The following ELP4 variants were observed in gnomAD, a reference collection of about 807,000 sequenced individuals.
The protein encoded by ELP4 is elongator acetyltransferase complex subunit 4.
Under a neutral mutation model 48.9 loss-of-function variants are expected in ELP4, and 51 were observed. The ratio of observed to expected loss-of-function variants is 1.04; its 90% CI spans 0.83 to 1.32. The LOEUF (loss-of-function observed/expected upper bound fraction) is 1.32. ELP4 is among the 40% of genes most tolerant of loss of function. The probability of loss-of-function intolerance (pLI) is 0.00; values close to 1 mark genes in which losing one functional copy is unlikely to be tolerated. For synonymous variants in ELP4, 210 were observed against 189.2 expected, an observed-to-expected ratio of 1.11 and a Z score of -0.90; for missense variants, 519 against 514.6, an observed-to-expected ratio of 1.01 and a Z score of -0.08.
At position 31,785,690 on chromosome 11, in the gene ELP4, C is replaced by G. The variant is rs954144250; in HGVS notation, c.*2166C>G. The G allele has an allele frequency of 5.2e-6, 1 of 193,200 alleles. No homozygotes were observed. The highest frequency in any genetic ancestry group is 2.3e-5 in the African/African-American group (1 of 43,104). The allele number at this position is 193,200 out of a possible 1,614,324, so 12.0% of individuals were successfully genotyped here. ...GAGGGGTGTGTATTTTTGTCTTCCT[C>G]TGATAAAAACGCACTCTGAAAATGT... On this transcript the variant is annotated 3_prime_UTR_variant, in exon 10 of 10. Transcript: ENST00000640961.
intron 9 of ELP4, among the ~76,000 whole-genome samples, chr11:31,673,611 G>C (rs183290486): frequency 6.6e-6 from 1 of 152,252 alleles, no homozygotes; most frequent in Non-Finnish European, 1.5e-5. Context: ...TTACAGGCAT[G>C]AGCCACTGCA....
chr11:31,758,627 A>G (rs1947879911), intron 9 of ELP4, among the ~76,000 whole-genome samples: 1 of 152,120 alleles, frequency 6.6e-6, no homozygotes, highest in South Asian at 2.1e-4. Flanking sequence ...TTTTATATGA[A>G]ATAAATTCTG....
intron 9 of ELP4, among the ~76,000 whole-genome samples, chr11:31,693,598 T>C (rs1456178592): frequency 6.6e-6 from 1 of 152,194 alleles, no homozygotes; most frequent in Non-Finnish European, 1.5e-5. Flanking sequence ...TCTTTCCTAT[T>C]GTGAATAGTG....
chr11:31,757,333 G>C (rs529387004), intron 9 of ELP4, among the ~76,000 whole-genome samples: 5 of 152,084 alleles, frequency 3.3e-5, no homozygotes, highest in Admixed American at 1.3e-4. Flanking sequence ...AAAGATCCCA[G>C]TTACATTTTT....
rs533264094 is a variant in ELP4 at position 31,670,026 on chromosome 11, C to T, written c.1143+19805C>T. 1.9e-4 allele frequency among the ~76,000 whole-genome samples: 29 copies of T among 152,176 alleles called. 1 individual carries two copies. The highest frequency in any genetic ancestry group is 3.2e-4 in the Non-Finnish European group (22 of 68,030). The stretch of plus-strand genomic sequence containing the variant: ...TCCTTCTTCACACAACTCATCCTTC[C>T]CTGCCAATATACTGACTTCCTTCTA... On this transcript the variant is annotated intron_variant, in intron 9 of 9. Transcript: ENST00000640961.
At chr11:31,536,872 C>A (rs1014775598) in intron 2 of ELP4, among the ~76,000 whole-genome samples, 3 of 152,154 alleles carry the variant, frequency 2.0e-5, no homozygotes, top group Admixed American at 2.0e-4. Flanking sequence ...AAAATATATT[C>A]TGGATACCAG....
chr11:31,694,795 T>TG (rs1205027203), intron 9 of ELP4, among the ~76,000 whole-genome samples: 11 of 152,242 alleles, frequency 7.2e-5, no homozygotes, highest in Non-Finnish European at 1.6e-4. Flanking sequence ...TCCATGAGCA[T>TG]GGAATATTCT....
At chr11:31,585,813 C>G (rs956908730) in intron 3 of ELP4, among the ~76,000 whole-genome samples, 1 of 152,104 alleles carries the variant, frequency 6.6e-6, no homozygotes, top group African/African-American at 2.4e-5. Flanking sequence ...AGTGAGAAGA[C>G]CAGGCATGAT....
At chr11:31,549,526 T>G (rs1702326063) in intron 3 of ELP4, among the ~76,000 whole-genome samples, 2 of 151,728 alleles carry the variant, frequency 1.3e-5, no homozygotes, top group South Asian at 4.2e-4. Flanking sequence ...GGAACACTTT[T>G]ACACTGTTGG....
chr11:31,551,903 T>C (rs1956860222), intron 3 of ELP4, among the ~76,000 whole-genome samples: 1 of 152,168 alleles, frequency 6.6e-6, no homozygotes, highest in Admixed American at 6.5e-5. Flanking sequence ...AAGTAAGAGA[T>C]AGGAGACTAG....
intron 6 of ELP4, among the ~76,000 whole-genome samples, chr11:31,631,690 C>T (rs10767901): frequency 0.93 from 141,527 of 152,118 alleles, 66,430 homozygotes; most frequent in South Asian, 1. Context: ...TAAATTATTA[C>T]TTTAAGAGCA....
intron 9 of ELP4, among the ~76,000 whole-genome samples, chr11:31,735,988 A>T (rs557099429): frequency 1.3e-5 from 2 of 152,296 alleles, no homozygotes; most frequent in African/African-American, 2.4e-5. Flanking sequence ...TAAAGTTCAT[A>T]TGGAACCAAA....
At chr11:31,707,152 T>G (rs1022662078) in intron 9 of ELP4, 3 of 394,254 alleles carry the variant, frequency 7.6e-6, no homozygotes, top group Non-Finnish European at 1.3e-5. Context: ...TTGAGAACCC[T>G]TCATACTATT....
intron 3 of ELP4, among the ~76,000 whole-genome samples, chr11:31,568,724 C>T (rs567311241): frequency 3.9e-5 from 6 of 152,234 alleles, no homozygotes; most frequent in East Asian, 1.9e-4. Flanking sequence ...TGGCTATCCA[C>T]GTGAAGAGGA....
intron 9 of ELP4, among the ~76,000 whole-genome samples, chr11:31,725,890 T>C (rs1297742235): frequency 2.6e-5 from 4 of 152,204 alleles, no homozygotes; most frequent in African/African-American, 9.6e-5. Context: ...TATATTTATA[T>C]GCTGATAGAA....
chr11:31,641,257 T>C (rs952672778), intron 7 of ELP4, among the ~76,000 whole-genome samples: 1 of 151,872 alleles, frequency 6.6e-6, no homozygotes, highest in African/African-American at 2.4e-5. Context: ...GTATAGTTGA[T>C]TTATATGGTT....
At chr11:31,757,547 G>A (rs970544501) in intron 9 of ELP4, among the ~76,000 whole-genome samples, 2 of 152,090 alleles carry the variant, frequency 1.3e-5, no homozygotes, top group Non-Finnish European at 1.5e-5. Flanking sequence ...TCAGCTTGCC[G>A]TGTTTCTTTA....
chr11:31,700,751 G>T (rs79661617), intron 9 of ELP4, among the ~76,000 whole-genome samples: 2,810 of 152,134 alleles, frequency 0.018, 92 homozygotes, highest in African/African-American at 0.063. Flanking sequence ...CCTTAGAGCT[G>T]CATCATTAGA....
At chr11:31,651,592 A>G (rs548428403) in intron 9 of ELP4, 6 of 151,926 alleles carry the variant, frequency 3.9e-5, no homozygotes, top group African/African-American at 1.4e-4. Context: ...AATACTGAGT[A>G]ATGTACCATA....
Sources: allele counts gnomAD v4.1 joint callset (sites outside exome capture counted in the v4.1 genomes callset), GRCh38; gene constraint gnomAD v4.1.1; transcripts MANE v1.5; gene names NCBI Gene and HGNC (gene_info 2026-07-23, HGNC 2026-07-21).